Variants in MGAM2 observed in about 807,000 individuals in gnomAD.
MGAM2 encodes maltase-glucoamylase 2 (putative), also known as probable maltase-glucoamylase 2.
A neutral mutation model predicts 96.1 loss-of-function variants in MGAM2; 98 were observed. The ratio of observed to expected loss-of-function variants is 1.02; its 90% confidence interval spans 0.87 to 1.21. The LOEUF is 1.21. Among genes scored for constraint, MGAM2 ranks in the 50% most tolerant of loss-of-function variants. The pLI is 0.00. For synonymous variants in MGAM2, 749 were observed against 414.8 expected (o/e 1.81, Z -9.79); for missense variants, 2,055 against 1,182.4 (o/e 1.74, Z -10.82).
At chr7:142,134,370 A>AT (rs1462490974) in intron 7 of MGAM2, among the ~76,000 whole-genome samples, 1 of 152,200 alleles carries the variant, frequency 6.6e-6, no homozygotes, top group East Asian at 1.9e-4. Context: ...GAAATGCAGC[A>AT]TTTTTTAAAC....
chr7:142,156,819 G>A (rs1293783551), intron 17 of MGAM2, among the ~76,000 whole-genome samples: 2 of 152,192 alleles, frequency 1.3e-5, no homozygotes, highest in African/African-American at 2.4e-5. Flanking sequence ...CAGTAACGCA[G>A]TATAGGATGA....
At chr7:142,140,955 CTTA>C in intron 11 of MGAM2, 22 bp downstream of exon 11, 1 of 697,676 alleles carries the variant, frequency 1.4e-6, no homozygotes, top group East Asian at 2.7e-5. Flanking sequence ...CACTTGTTAC[CTTA>C]TTTTTTCCTT....
intron 3 of MGAM2, among the ~76,000 whole-genome samples, chr7:142,128,465 C>T (rs1446244143): frequency 1.3e-5 from 2 of 152,182 alleles, no homozygotes; most frequent in Admixed American, 6.5e-5. Flanking sequence ...GGCTCCAGGG[C>T]GTCAGAGGTC....
At chr7:142,161,300 C>A (rs949725760) in intron 22 of MGAM2, 87 bp downstream of exon 22, 5 of 661,456 alleles carry the variant, frequency 7.6e-6, no homozygotes, top group Admixed American at 6.4e-5. Flanking sequence ...ATGGCACTAA[C>A]CCTATTAGCA....
At chr7:142,166,692 C>T (rs1361761249) in intron 25 of MGAM2, among the ~76,000 whole-genome samples, 2 of 152,080 alleles carry the variant, frequency 1.3e-5, no homozygotes, top group Non-Finnish European at 2.9e-5. Context: ...CCTGGAGGCT[C>T]CTGTCTCCCT....
intron 16 of MGAM2, among the ~76,000 whole-genome samples, 192 bp from the exon 17 acceptor site, chr7:142,154,537 C>T (rs972739099): frequency 6.6e-6 from 1 of 152,212 alleles, no homozygotes; most frequent in African/African-American, 2.4e-5. Context: ...ATTGTTTGCA[C>T]TATCAGTAAG....
At chr7:142,174,450 T>C (rs909846028) in intron 31 of MGAM2, among the ~76,000 whole-genome samples, 2 of 152,050 alleles carry the variant, frequency 1.3e-5, no homozygotes, top group Admixed American at 1.3e-4. Context: ...TGGGAGTTCA[T>C]TTGTGGTTTG....
chr7:142,148,117 A>G lies in MGAM2; in HGVS notation c.1634+544A>G, dbSNP rs1307429393. On this transcript the variant is annotated intron_variant, in intron 15 of 47. Transcript: ENST00000477922. This position sits in a 1 kb window ranked among gnomAD's most constrained non-coding sequence, Gnocchi z 4.2. ...CACACACATGCACACACACGTGCAC[A>G]CACAACTATCACCATCACCACCACC... 2.0e-5 allele frequency among the ~76,000 whole-genome samples: 3 copies of G among 151,920 alleles called. No individual in the cohort carries two copies. The highest frequency in any genetic ancestry group is 7.3e-5 in the African/African-American group (3 of 41,344).
intron 7 of MGAM2, among the ~76,000 whole-genome samples, chr7:142,134,758 A>C (rs1260502314): frequency 1.3e-5 from 2 of 150,040 alleles, no homozygotes; most frequent in African/African-American, 4.9e-5. Flanking sequence ...GCTTATCTGG[A>C]GTGAAGGACT....
intron 15 of MGAM2, among the ~76,000 whole-genome samples, chr7:142,151,131 T>A (rs1021021762): frequency 6.6e-6 from 1 of 152,186 alleles, no homozygotes; most frequent in Admixed American, 6.6e-5. Flanking sequence ...TGTAAGCTTT[T>A]TGAGGGCAAA....
chr7:142,211,088 AG>A (rs1797568284), intron 46 of MGAM2, among the ~76,000 whole-genome samples: 1 of 152,242 alleles, frequency 6.6e-6, no homozygotes. Context: ...GCAGACCTGC[AG>A]AAGAGGGGCC....
In MGAM2 at chr7:142,127,449, A is replaced by G. The variant is rs375441257; in HGVS notation, c.187-3499A>G. On this transcript the variant is annotated intron_variant, in intron 3 of 47. Transcript: ENST00000477922. ...CTTTGGTTGTTTTCTTTTGTAATTC[A>G]GTTTAAATATTCAGGAGCTTTAAAT... Among the ~76,000 whole-genome samples, 40 of 152,112 alleles carry G rather than the reference A, an allele frequency of 2.6e-4. 1 individual carries two copies. The East Asian group carries it at 7.3e-3, about 28-fold the overall frequency.
At chr7:142,160,353 C>T (rs534688060) in intron 21 of MGAM2, 95 bp downstream of exon 21, 1 of 579,230 alleles carries the variant, frequency 1.7e-6, no homozygotes, top group Non-Finnish European at 3.1e-6. Flanking sequence ...GTGGATGAGC[C>T]AAGGGATAAG....
At chr7:142,200,086 A>C (rs1365903397) in intron 45 of MGAM2, 118 bp downstream of exon 45, 2 of 488,228 alleles carry the variant, frequency 4.1e-6, no homozygotes, top group Non-Finnish European at 7.2e-6. Flanking sequence ...ATAAGGCAAT[A>C]ACATTTGGAG....
chr7:142,195,250 T>C (rs1442408922), intron 37 of MGAM2, among the ~76,000 whole-genome samples: 1 of 151,794 alleles, frequency 6.6e-6, no homozygotes, highest in Non-Finnish European at 1.5e-5. Context: ...CCTAGGCTGG[T>C]CTTGAACTTC....
At chr7:142,173,684 C>G (rs1489485217) in intron 31 of MGAM2, among the ~76,000 whole-genome samples, 1 of 152,198 alleles carries the variant, frequency 6.6e-6, no homozygotes, top group Non-Finnish European at 1.5e-5. Context: ...ATGCAGGGGA[C>G]TATCCCTTTG....
intron 9 of MGAM2, among the ~76,000 whole-genome samples, 176 bp from the exon 10 acceptor site, chr7:142,138,366 A>G (rs1363014323): frequency 1.3e-5 from 2 of 152,152 alleles, no homozygotes; most frequent in East Asian, 3.9e-4. Context: ...TTAGTGTCTG[A>G]TCTGATGTTG....
chr7:142,160,368 C>A, intron 21 of MGAM2, 110 bp downstream of exon 21: 2 of 570,142 alleles, frequency 3.5e-6, no homozygotes, highest in South Asian at 2.3e-5. Flanking sequence ...GATAAGTCAC[C>A]CATCAGTAAT....
chr7:142,159,483 G>T lies in MGAM2; in HGVS notation c.2220+140G>T. On this transcript the variant is annotated intron_variant, in intron 20 of 47. Transcript: ENST00000477922. The stretch of plus-strand genomic sequence containing the variant: ...ATTGTGGTCCTTTTTCTGTGAGAAA[G>T]GCATCTTAGTTGGTTCAGGATGGTG... 6.6e-6 allele frequency: 4 copies of T among 608,216 alleles called. No individual in the cohort carries two copies. In the Admixed American group the frequency reaches 7.6e-5, roughly 11 times the overall value. 37.7% of individuals were successfully genotyped at this position (608,216 alleles called of 1,614,324 possible).
Sources: allele counts gnomAD v4.1 joint callset (sites outside exome capture counted in the v4.1 genomes callset), GRCh38; gene constraint gnomAD v4.1.1; non-coding constraint Gnocchi (gnomAD v3.1); transcripts MANE v1.5; gene names NCBI Gene and HGNC (gene_info 2026-07-23, HGNC 2026-07-21).